The following IFT43 variants were observed in gnomAD, a reference collection of about 807,000 sequenced individuals.
The protein encoded by IFT43 is intraflagellar transport protein 43 homolog.
Under a neutral mutation model 32.3 loss-of-function variants are expected in IFT43, and 33 were observed. The ratio of observed to expected loss-of-function variants is 1.02; its 90% CI spans 0.77 to 1.37. The LOEUF (loss-of-function observed/expected upper bound fraction) is 1.37, where lower values mean the gene tolerates loss of function less well. Among genes scored for constraint, IFT43 ranks in the 40% most tolerant of loss-of-function variants. IFT43 has a pLI of 0.00. For synonymous variants in IFT43, 93 were observed against 98.2 expected (o/e 0.95, Z 0.31); for missense variants, 274 against 265.9 (o/e 1.03, Z -0.21).
At position 76,026,552 on chromosome 14, in the gene IFT43, CAA is replaced by C. The variant is rs58799745; in HGVS notation, c.215+4176_215+4177del. On this transcript the variant is annotated intron_variant, in intron 3 of 8. Coordinates refer to ENST00000314067, the MANE Select transcript of IFT43 (RefSeq NM_001102564.3). Reference sequence around the variant, plus strand: ...CAGCCTGGGCAACAAGAGTGAAACTCAAAAAAAAAAAAAAAAAAAGTCAAAAA... The same window carrying C: ...CAGCCTGGGCAACAAGAGTGAAACTCAAAAAAAAAAAAAAAAAGTCAAAAA... 6.7e-3 allele frequency among the ~76,000 whole-genome samples: 566 copies of C among 84,442 alleles called. 2 individuals are homozygous for C. Among genetic ancestry groups the C allele is most frequent in the African/African-American group, 0.022 (529 of 24,498 alleles). 55.4% of individuals were successfully genotyped at this position (84,442 alleles called of 152,430 possible). A position where few individuals can be genotyped will look rare whatever the true frequency, so the allele number is the denominator to read the frequency against.
chr14:75,990,265 C>G (rs2035611562), intron 2 of IFT43, among the ~76,000 whole-genome samples: 2 of 152,182 alleles, frequency 1.3e-5, no homozygotes, highest in Non-Finnish European at 1.5e-5. Flanking sequence ...TATGTGAAAG[C>G]AACACATTTT....
chr14:76,082,932 G>A (rs558611315), intron 7 of IFT43, among the ~76,000 whole-genome samples: 32 of 152,268 alleles, frequency 2.1e-4, no homozygotes, highest in Non-Finnish European at 4.3e-4. Context: ...CTGCCCACTT[G>A]GCACCTGATG....
At chr14:76,022,611 C>T (rs2036314772) in intron 3 of IFT43, 3 of 398,808 alleles carry the variant, frequency 7.5e-6, no homozygotes, top group Non-Finnish European at 1.4e-5. Flanking sequence ...TTCATCACCT[C>T]CCCACCAAAA....
At chr14:76,020,462 T>C (rs1287276994) in intron 2 of IFT43, among the ~76,000 whole-genome samples, 1 of 152,246 alleles carries the variant, frequency 6.6e-6, no homozygotes, top group Non-Finnish European at 1.5e-5. Context: ...TACATTGATA[T>C]CTGTGTATCT....
chr14:76,010,387 C>A (rs8008060), intron 2 of IFT43, among the ~76,000 whole-genome samples: 2 of 151,900 alleles, frequency 1.3e-5, no homozygotes, highest in Non-Finnish European at 2.9e-5. Context: ...CCATACCAAC[C>A]CTGCCTTTTT....
At chr14:75,995,015 C>G (rs1394077041) in intron 2 of IFT43, among the ~76,000 whole-genome samples, 1 of 152,204 alleles carries the variant, frequency 6.6e-6, no homozygotes, top group African/African-American at 2.4e-5. Context: ...TTTTATTTTG[C>G]AGATTGTCCT....
intron 1 of IFT43, among the ~76,000 whole-genome samples, chr14:75,988,085 C>A (rs57556043): frequency 0.018 from 2,753 of 152,338 alleles, 81 homozygotes; most frequent in African/African-American, 0.063. Context: ...CATGAGGTAT[C>A]TGCCCATTCT....
chr14:76,002,449 A>AC (rs2035905953), intron 2 of IFT43, among the ~76,000 whole-genome samples: 1 of 152,118 alleles, frequency 6.6e-6, no homozygotes, highest in African/African-American at 2.4e-5. Flanking sequence ...GGAAGTTGTT[A>AC]GATGAGGAGG....
intron 3 of IFT43, among the ~76,000 whole-genome samples, chr14:76,029,528 C>A (rs985311984): frequency 1.3e-5 from 2 of 152,086 alleles, no homozygotes; most frequent in Non-Finnish European, 2.9e-5. Flanking sequence ...GTTATAAATT[C>A]TTTGCCAAAG....
At chr14:76,030,504 T>A (rs1193572248) in intron 3 of IFT43, among the ~76,000 whole-genome samples, 1 of 152,208 alleles carries the variant, frequency 6.6e-6, no homozygotes, top group African/African-American at 2.4e-5. Context: ...TGCTATTGGA[T>A]ATCTTTGCTT....
At chr14:76,071,162 C>T (rs2037314747) in intron 5 of IFT43, among the ~76,000 whole-genome samples, 1 of 152,134 alleles carries the variant, frequency 6.6e-6, no homozygotes, top group Non-Finnish European at 1.5e-5. Context: ...TGGATTGGTG[C>T]TTACTGGTCC....
At chr14:76,058,736 C>A in intron 4 of IFT43, 62 bp downstream of exon 4, 2 of 1,607,992 alleles carry the variant, frequency 1.2e-6, no homozygotes, top group South Asian at 1.1e-5. Context: ...ACAGTGCAGT[C>A]TTGGTGGTCA....
At chr14:76,005,149 G>A (rs1194777050) in intron 2 of IFT43, among the ~76,000 whole-genome samples, 1 of 152,084 alleles carries the variant, frequency 6.6e-6, no homozygotes, top group East Asian at 1.9e-4. Flanking sequence ...AATTTTGTTT[G>A]TACATAAGAC....
At chr14:76,035,658 C>G (rs945167708) in intron 3 of IFT43, among the ~76,000 whole-genome samples, 1 of 152,204 alleles carries the variant, frequency 6.6e-6, no homozygotes, top group Non-Finnish European at 1.5e-5. Context: ...TGCAAACATA[C>G]GTTCTGTCCT....
intron 5 of IFT43, among the ~76,000 whole-genome samples, chr14:76,066,267 A>G (rs1315349123): frequency 6.6e-6 from 1 of 152,188 alleles, no homozygotes; most frequent in Non-Finnish European, 1.5e-5. Flanking sequence ...GAAATTTGCA[A>G]TTTGGCCTTT....
intron 5 of IFT43, among the ~76,000 whole-genome samples, chr14:76,071,741 A>T (rs2037324433): frequency 6.6e-6 from 1 of 152,206 alleles, no homozygotes; most frequent in Non-Finnish European, 1.5e-5. Context: ...ATATAATTTA[A>T]TTATAAGAAT....
At chr14:76,053,780 A>C (rs1216840553) in intron 3 of IFT43, among the ~76,000 whole-genome samples, 2 of 152,248 alleles carry the variant, frequency 1.3e-5, no homozygotes, top group Non-Finnish European at 2.9e-5. Context: ...CTGATTCAGC[A>C]ACCTCTGTGT....
intron 3 of IFT43, among the ~76,000 whole-genome samples, chr14:76,053,189 T>C (rs1284646599): frequency 6.6e-6 from 1 of 152,172 alleles, no homozygotes; most frequent in African/African-American, 2.4e-5. Context: ...GTATTATAAA[T>C]ACTATAATGA....
intron 1 of IFT43, 77 bp from the exon 2 acceptor site, chr14:75,988,808 G>A (rs1566692717): frequency 1.2e-6 from 2 of 1,608,062 alleles, no homozygotes; most frequent in Non-Finnish European, 1.7e-6. Context: ...GTGAGCCACT[G>A]CGCCCGGCTG....
Sources: allele counts gnomAD v4.1 joint callset (sites outside exome capture counted in the v4.1 genomes callset), GRCh38; gene constraint gnomAD v4.1.1; transcripts MANE v1.5; gene names NCBI Gene and HGNC (gene_info 2026-07-23, HGNC 2026-07-21).